CNTNAP2: variants seen among roughly 807,000 people sequenced by gnomAD.
CNTNAP2 encodes the protein contactin associated protein 2.
CNTNAP2 carries 98 observed loss-of-function variants against 155.2 expected under a neutral mutation model. The observed-to-expected ratio is 0.63, with a 90% CI of 0.54 to 0.75. CNTNAP2 has a LOEUF of 0.75. Ranked by LOEUF, CNTNAP2 falls within the 30% of genes least tolerant of loss-of-function variation. CNTNAP2 has a pLI of 0.00. For missense variants in CNTNAP2, 1,727 were observed against 1,688.1 expected (o/e 1.02, Z -0.40); for synonymous variants, 651 against 631.2 (o/e 1.03, Z -0.47).
intron 13 of CNTNAP2, among the ~76,000 whole-genome samples, chr7:147,683,026 A>G (rs940403614): frequency 2.6e-5 from 4 of 151,926 alleles, no homozygotes; most frequent in Non-Finnish European, 5.9e-5. Flanking sequence ...ACTATTTACT[A>G]CTTTGGCAAG....
intron 18 of CNTNAP2, among the ~76,000 whole-genome samples, chr7:148,206,271 A>G (rs1292172903): frequency 6.8e-6 from 1 of 147,686 alleles, no homozygotes; most frequent in East Asian, 1.9e-4. Context: ...TATATAATAT[A>G]ATGTTAAATA....
intron 20 of CNTNAP2, among the ~76,000 whole-genome samples, chr7:148,251,780 G>C (rs898188734): frequency 6.6e-6 from 1 of 152,148 alleles, no homozygotes; most frequent in Non-Finnish European, 1.5e-5. Flanking sequence ...CTCAGGCATT[G>C]GTGATCCTAT....
chr7:146,120,082 T>G (rs566848376), intron 1 of CNTNAP2, among the ~76,000 whole-genome samples: 9 of 152,034 alleles, frequency 5.9e-5, no homozygotes, highest in African/African-American at 1.7e-4. Flanking sequence ...CCAGTGCAAT[T>G]ATTTTAAGTA....
At chr7:147,278,709 A>C (rs1375281370) in intron 8 of CNTNAP2, among the ~76,000 whole-genome samples, 1 of 151,568 alleles carries the variant, frequency 6.6e-6, no homozygotes, top group Non-Finnish European at 1.5e-5. Flanking sequence ...GAAATAAATA[A>C]AAGCGTGATA....
chr7:147,300,073 T>C (rs1794913825), intron 8 of CNTNAP2, 68 bp from the exon 9 acceptor site: 1 of 1,522,836 alleles, frequency 6.6e-7, no homozygotes, highest in South Asian at 1.1e-5. Context: ...CGTGATTTGT[T>C]GATTTTGGAA....
chr7:147,665,393 G>A (rs1220658200), intron 13 of CNTNAP2, among the ~76,000 whole-genome samples: 2 of 152,160 alleles, frequency 1.3e-5, no homozygotes, highest in Non-Finnish European at 2.9e-5. Flanking sequence ...TAGTTTGGAA[G>A]AAATTCAAAT....
intron 1 of CNTNAP2, among the ~76,000 whole-genome samples, chr7:146,555,731 G>A (rs1002197944): frequency 4.6e-5 from 7 of 152,160 alleles, no homozygotes; most frequent in Non-Finnish European, 1.0e-4. Flanking sequence ...CCACATCTGA[G>A]GGAAAGTTGA....
intron 14 of CNTNAP2, among the ~76,000 whole-genome samples, chr7:147,918,553 C>A (rs1036927790): frequency 6.6e-6 from 1 of 152,140 alleles, no homozygotes; most frequent in Non-Finnish European, 1.5e-5. Context: ...ACATGCACAT[C>A]CTACATTACT....
At chr7:147,239,899 A>G (rs1235473870) in intron 8 of CNTNAP2, among the ~76,000 whole-genome samples, 1 of 152,148 alleles carries the variant, frequency 6.6e-6, no homozygotes, top group Admixed American at 6.6e-5. Flanking sequence ...CATCTTTTTC[A>G]TATATAATAT....
chr7:146,150,474 G>A (rs1350699452), intron 1 of CNTNAP2, among the ~76,000 whole-genome samples: 1 of 152,044 alleles, frequency 6.6e-6, no homozygotes, highest in Non-Finnish European at 1.5e-5. Context: ...TGTTTACAGA[G>A]AGCCAGAATA....
chr7:146,174,301 A>AT (rs1299925123), intron 1 of CNTNAP2, among the ~76,000 whole-genome samples: 9 of 152,026 alleles, frequency 5.9e-5, no homozygotes, highest in African/African-American at 2.2e-4. Flanking sequence ...TGAACTCCAC[A>AT]TTTTTGGGCT....
At position 148,366,009 on chromosome 7, in the gene CNTNAP2, T is replaced by C. The variant is rs182269508; in HGVS notation, c.3476-17640T>C. Among the ~76,000 whole-genome samples, 7 of 1,442 alleles carry C rather than the reference T, an allele frequency of 4.9e-3. 3 individuals are homozygous for C. Among genetic ancestry groups the C allele is most frequent in the African/African-American group, 5.5e-3 (7 of 1,262 alleles). 0.9% of individuals were successfully genotyped at this position (1,442 alleles called of 152,430 possible). A position where few individuals can be genotyped will look rare whatever the true frequency, so the allele number is the denominator to read the frequency against. ...ACATGTGTGTATGCATGTATGCATGTGTGTATGCATGTATGCATGTGTGTG... is the reference window on the plus strand; with the variant it reads ...ACATGTGTGTATGCATGTATGCATGCGTGTATGCATGTATGCATGTGTGTG... On this transcript the variant is annotated intron_variant, in intron 21 of 23. Transcript: ENST00000361727.
intron 13 of CNTNAP2, among the ~76,000 whole-genome samples, chr7:147,642,960 C>A (rs1287133015): frequency 6.6e-6 from 1 of 152,092 alleles, no homozygotes; most frequent in African/African-American, 2.4e-5. Flanking sequence ...AACCTTGGGG[C>A]AGTGGTTTAA....
At position 148,366,056 on chromosome 7, in the gene CNTNAP2, GTATGCA is replaced by G. The variant is rs1798758889; in HGVS notation, c.3476-17591_3476-17586del. ...TGTGTATGCATGTATGCATGTGTGT[GTATGCA>G]TGTATGCATGTATGTGTGTGCATGT... On this transcript the variant is annotated intron_variant, in intron 21 of 23. Coordinates refer to ENST00000361727, the MANE Select transcript of CNTNAP2 (RefSeq NM_014141.6). Among the ~76,000 whole-genome samples, 2 of 4,206 alleles carry G rather than the reference GTATGCA, an allele frequency of 4.8e-4. 1 individual carries two copies. The highest frequency in any genetic ancestry group is 7.6e-4 in the African/African-American group (2 of 2,636). The allele number at this position is 4,206 out of a possible 152,430, so 2.8% of individuals were successfully genotyped here.
chr7:147,184,330 C>T (rs1044377072), intron 8 of CNTNAP2, among the ~76,000 whole-genome samples: 2 of 152,108 alleles, frequency 1.3e-5, no homozygotes, highest in Non-Finnish European at 2.9e-5. Context: ...CCATTTAAGT[C>T]GTTGGATTTG....
At chr7:147,573,361 TGA>T (rs1450663400) in intron 12 of CNTNAP2, among the ~76,000 whole-genome samples, 5 of 152,202 alleles carry the variant, frequency 3.3e-5, no homozygotes, top group African/African-American at 1.2e-4. Context: ...CATTAAAAAG[TGA>T]GATTAGGCAA....
intron 15 of CNTNAP2, among the ~76,000 whole-genome samples, chr7:148,015,209 A>AT (rs200918727): frequency 0.014 from 2,203 of 152,316 alleles, 20 homozygotes; most frequent in Non-Finnish European, 0.018. Context: ...ATTACATAGT[A>AT]TTTTTTTAAA....
intron 1 of CNTNAP2, among the ~76,000 whole-genome samples, chr7:146,373,952 C>T (rs1310052546): frequency 1.3e-5 from 2 of 152,040 alleles, no homozygotes; most frequent in African/African-American, 2.4e-5. Context: ...TTAAAACTTT[C>T]AATCATGTAG....
intron 15 of CNTNAP2, among the ~76,000 whole-genome samples, chr7:148,010,855 T>C (rs1802068431): frequency 6.6e-6 from 1 of 152,078 alleles, no homozygotes; most frequent in Admixed American, 6.5e-5. Flanking sequence ...TTTGTTCACA[T>C]TGTCAATGCT....
Sources: allele counts gnomAD v4.1 joint callset (sites outside exome capture counted in the v4.1 genomes callset), GRCh38; gene constraint gnomAD v4.1.1; transcripts MANE v1.5; gene names NCBI Gene and HGNC (gene_info 2026-07-23, HGNC 2026-07-21).